The following TENM2 variants were observed in gnomAD, a reference collection of about 807,000 sequenced individuals.
The protein encoded by TENM2 is teneurin-2.
TENM2 carries 52 observed loss-of-function variants against 245.2 expected under a neutral mutation model. The ratio of observed to expected loss-of-function variants is 0.21; its 90% CI spans 0.17 to 0.27. The LOEUF is 0.27. TENM2 is among the 10% of genes least tolerant of loss of function. TENM2 has a pLI of 1.00. For missense variants in TENM2, 3,046 were observed against 3,666.8 expected, an observed-to-expected ratio of 0.83 and a Z score of 4.37; for synonymous variants, 1,363 against 1,438.9, an observed-to-expected ratio of 0.95 and a Z score of 1.19.
chr5:167,493,519 A>T (rs1458351948), intron 2 of TENM2, among the ~76,000 whole-genome samples: 1 of 152,106 alleles, frequency 6.6e-6, no homozygotes, highest in Non-Finnish European at 1.5e-5. Context: ...GTATCAAATA[A>T]AACATAGAAT....
chr5:167,126,792 T>C, the TENM2 span, among the ~76,000 whole-genome samples: 1 of 152,186 alleles, frequency 6.6e-6, no homozygotes, highest in South Asian at 2.1e-4. Flanking sequence ...ATTGCAATTG[T>C]ACAGTTAAGA....
chr5:167,223,814 A>C, the TENM2 span, among the ~76,000 whole-genome samples: 3 of 144,500 alleles, frequency 2.1e-5, no homozygotes, highest in East Asian at 5.9e-4. Context: ...TCAATGGTGT[A>C]TATGTTCCCT....
At chr5:167,316,340 A>G (rs1165470322) in intron 1 of TENM2, among the ~76,000 whole-genome samples, 1 of 152,184 alleles carries the variant, frequency 6.6e-6, no homozygotes, top group African/African-American at 2.4e-5. Flanking sequence ...TCTGGTTGAT[A>G]TAGCCAACCT....
rs550483155 is a variant in TENM2 at position 167,758,786 on chromosome 5, C to A, written c.503-117200C>A. Among the ~76,000 whole-genome samples the A allele has an allele frequency of 5.1e-4, 78 of 152,136 alleles. 1 individual carries two copies. The highest frequency in any genetic ancestry group is 1.9e-3 in the African/African-American group (77 of 41,512). ...AACTTCTGATTTCCAGAAACCTTGA[C>A]CACAACTGTTTAAATAGTCCCCTTA... On this transcript the variant is annotated intron_variant, in intron 2 of 28. Coordinates refer to ENST00000518659, the Ensembl canonical transcript of TENM2.
the TENM2 span, among the ~76,000 whole-genome samples, chr5:167,271,156 G>GT: frequency 6.6e-6 from 1 of 152,146 alleles, no homozygotes. Flanking sequence ...GAGGCTGCAG[G>GT]CTCATGGGCT....
At chr5:167,095,186 A>G in the TENM2 span, among the ~76,000 whole-genome samples, 1 of 152,196 alleles carries the variant, frequency 6.6e-6, no homozygotes, top group Non-Finnish European at 1.5e-5. Context: ...AAGCACATAC[A>G]TGAGGAGGAT....
intron 2 of TENM2, among the ~76,000 whole-genome samples, chr5:167,442,180 T>C (rs1764916161): frequency 6.6e-6 from 1 of 152,232 alleles, no homozygotes; most frequent in Non-Finnish European, 1.5e-5. Context: ...ATTCTTTGAC[T>C]CTTTTTTCAT....
chr5:168,101,012 G>A (rs1053126104), intron 9 of TENM2, among the ~76,000 whole-genome samples: 6 of 151,944 alleles, frequency 3.9e-5, no homozygotes, highest in African/African-American at 1.2e-4. Context: ...TCTCTGGGCT[G>A]TGCCAGGCTT....
chr5:167,134,615 T>G, the TENM2 span, among the ~76,000 whole-genome samples: 1 of 152,204 alleles, frequency 6.6e-6, no homozygotes, highest in African/African-American at 2.4e-5. Context: ...CCTGGTTTGG[T>G]CGGTTTTGCA....
intron 1 of TENM2, among the ~76,000 whole-genome samples, chr5:167,355,434 G>A (rs1160900418): frequency 2.0e-5 from 3 of 152,140 alleles, no homozygotes; most frequent in Non-Finnish European, 2.9e-5. Flanking sequence ...TGAGAGAGAG[G>A]AAGTTGAAGC....
chr5:167,186,740 C>A, the TENM2 span, among the ~76,000 whole-genome samples: 1 of 152,180 alleles, frequency 6.6e-6, no homozygotes, highest in Non-Finnish European at 1.5e-5. Context: ...ATCGACAATC[C>A]AGCCCCTGGC....
chr5:167,142,024 G>T, the TENM2 span, among the ~76,000 whole-genome samples: 1,602 of 151,788 alleles, frequency 0.011, 26 homozygotes, highest in African/African-American at 0.037. Flanking sequence ...CAAACTCGGA[G>T]GGGGGGGATG....
At chr5:167,512,466 T>G (rs932718124) in intron 2 of TENM2, among the ~76,000 whole-genome samples, 1 of 152,132 alleles carries the variant, frequency 6.6e-6, no homozygotes, top group African/African-American at 2.4e-5. Context: ...AATTTTCATT[T>G]TACATTATAC....
At chr5:167,609,628 G>A (rs915918241) in intron 2 of TENM2, among the ~76,000 whole-genome samples, 5 of 151,946 alleles carry the variant, frequency 3.3e-5, no homozygotes, top group African/African-American at 1.2e-4. Context: ...ATCATGGTTT[G>A]AGGGAGTGAA....
intron 2 of TENM2, among the ~76,000 whole-genome samples, chr5:167,663,145 A>G (rs1240140352): frequency 1.9e-5 from 1 of 53,474 alleles, no homozygotes; most frequent in Admixed American, 3.0e-4. Flanking sequence ...GGATGGGGAG[A>G]GAGAGAGAGA....
intron 1 of TENM2, among the ~76,000 whole-genome samples, chr5:167,322,535 A>T (rs1359623000): frequency 7.2e-5 from 11 of 152,208 alleles, no homozygotes; most frequent in Admixed American, 7.2e-4. Context: ...TGTGAAGACC[A>T]AATGAGATGG....
the TENM2 span, among the ~76,000 whole-genome samples, chr5:167,073,213 C>G: frequency 6.6e-6 from 1 of 152,092 alleles, no homozygotes; most frequent in Admixed American, 6.6e-5. Flanking sequence ...TCATTTGGAT[C>G]TTACCTATTT....
chr5:167,929,229 G>T (rs1291995841), intron 3 of TENM2, among the ~76,000 whole-genome samples: 1 of 151,030 alleles, frequency 6.6e-6, no homozygotes, highest in Non-Finnish European at 1.5e-5. Flanking sequence ...GAGGGATGGA[G>T]GGAGGAAGGC....
chr5:167,410,846 G>A (rs1020895551), intron 2 of TENM2, among the ~76,000 whole-genome samples: 20 of 152,028 alleles, frequency 1.3e-4, no homozygotes, highest in Non-Finnish European at 2.9e-5. Flanking sequence ...ATATGTCAGT[G>A]CATTGTATTT....
Sources: allele counts gnomAD v4.1 joint callset (sites outside exome capture counted in the v4.1 genomes callset), GRCh38; gene constraint gnomAD v4.1.1; transcripts MANE v1.5; gene names NCBI Gene and HGNC (gene_info 2026-07-23, HGNC 2026-07-21).